IGFBP7: variants seen among roughly 807,000 people sequenced by gnomAD.
IGFBP7 encodes insulin like growth factor binding protein 7.
IGFBP7 carries 31 observed loss-of-function variants against 29.4 expected under a neutral mutation model. That is an observed-to-expected ratio of 1.05 (90% CI 0.79 to 1.42). The LOEUF is 1.42. Ranked by LOEUF, IGFBP7 falls within the 40% of genes most tolerant of loss-of-function variation. IGFBP7 has a pLI of 0.00. For synonymous variants in IGFBP7, 172 were observed against 174.9 expected, an observed-to-expected ratio of 0.98 and a Z score of 0.13; for missense variants, 393 against 395.5, an observed-to-expected ratio of 0.99 and a Z score of 0.05.
chr4:57,092,786 T>C (rs577818526), intron 1 of IGFBP7, among the ~76,000 whole-genome samples: 21 of 151,116 alleles, frequency 1.4e-4, no homozygotes, highest in African/African-American at 4.3e-4. Flanking sequence ...TAAAAGGTTA[T>C]TTATGACAGA....
At chr4:57,067,138 T>C (rs17183249) in intron 1 of IGFBP7, among the ~76,000 whole-genome samples, 20,365 of 152,198 alleles carry the variant, frequency 0.13, 1,432 homozygotes, top group East Asian at 0.16. Flanking sequence ...AGAAGATGTC[T>C]GCAATGATGA....
Position 57,110,081 on chromosome 4 carries a change from G to A in IGFBP7, c.271C>T (p.Arg91Cys). Reference protein sequence around the residue: ...CAPGMECVKSRKRRKGKAGAA... With the variant: ...CAPGMECVKSCKRRKGKAGAA... ...CCGGCTTTACCCTTCCGCCTCTTGC[G>A]GCTCTTCACGCACTCCATGCCCGGC... The change falls in exon 1 of 5, where the codon CGC (arginine) becomes TGC (cysteine). Residue 91 changes from arginine (R) to cysteine (C), a missense_variant. Coordinates refer to ENST00000295666, the MANE Select transcript of IGFBP7 (RefSeq NM_001553.3). 6.4e-7 allele frequency: 1 copy of A among 1,554,464 alleles called. No individual in the cohort carries two copies. The highest frequency in any genetic ancestry group is 1.2e-5 in the South Asian group (1 of 85,228).
chr4:57,080,217 C>CA (rs1161027464), intron 1 of IGFBP7, among the ~76,000 whole-genome samples: 1 of 151,988 alleles, frequency 6.6e-6, no homozygotes, highest in African/African-American at 2.4e-5. Context: ...ACTGGATTTT[C>CA]AAAATAACAT....
intron 1 of IGFBP7, among the ~76,000 whole-genome samples, chr4:57,056,552 C>T (rs11573083): frequency 0.079 from 12,047 of 152,238 alleles, 616 homozygotes; most frequent in African/African-American, 0.14. Flanking sequence ...AATAGCACTG[C>T]TCTGAAATCA....
intron 1 of IGFBP7, among the ~76,000 whole-genome samples, chr4:57,069,747 TGA>T (rs1220763081): frequency 6.6e-6 from 1 of 152,106 alleles, no homozygotes; most frequent in Non-Finnish European, 1.5e-5. Context: ...TTCTCATTAT[TGA>T]GATTTCTATC....
intron 1 of IGFBP7, among the ~76,000 whole-genome samples, chr4:57,061,602 C>G (rs1488650031): frequency 6.6e-6 from 1 of 152,160 alleles, no homozygotes; most frequent in South Asian, 2.1e-4. Flanking sequence ...ATTCACATCC[C>G]AGCCTGGACA....
intron 1 of IGFBP7, among the ~76,000 whole-genome samples, chr4:57,086,722 T>A (rs1399634603): frequency 6.6e-6 from 1 of 152,172 alleles, no homozygotes; most frequent in African/African-American, 2.4e-5. Flanking sequence ...CATACAAATT[T>A]TACCATCTTA....
intron 1 of IGFBP7, among the ~76,000 whole-genome samples, chr4:57,086,983 C>T (rs1481979410): frequency 2.0e-5 from 3 of 152,220 alleles, no homozygotes; most frequent in African/African-American, 7.2e-5. Flanking sequence ...ATCCACCTGT[C>T]TCGGCCTCCC....
At chr4:57,084,376 T>C (rs1725444379) in intron 1 of IGFBP7, among the ~76,000 whole-genome samples, 1 of 152,196 alleles carries the variant, frequency 6.6e-6, no homozygotes, top group Non-Finnish European at 1.5e-5. Context: ...GAAGTGCCTT[T>C]TCTAAAAATC....
In IGFBP7 at chr4:57,080,350, A is replaced by C. The variant is rs74415007; in HGVS notation, c.475+29527T>G. ...AAAGGAGGGAAATTGACACTGCTGCATTCTACTCACATTGCCCGAGTGCTC... is the reference window on the plus strand; with the variant it reads ...AAAGGAGGGAAATTGACACTGCTGCCTTCTACTCACATTGCCCGAGTGCTC... On this transcript the variant is annotated intron_variant, in intron 1 of 4. Transcript: ENST00000295666. Among the ~76,000 whole-genome samples the C allele has an allele frequency of 6.7e-4, 102 of 152,348 alleles. 1 individual carries two copies. The East Asian group carries it at 0.019, about 28-fold the overall frequency.
At chr4:57,079,310 A>G (rs532649742) in intron 1 of IGFBP7, among the ~76,000 whole-genome samples, 2 of 152,196 alleles carry the variant, frequency 1.3e-5, no homozygotes, top group South Asian at 4.1e-4. Flanking sequence ...ATCCCACTGT[A>G]CTTCATTAGT....
chr4:57,069,829 T>C (rs1246745425), intron 1 of IGFBP7, among the ~76,000 whole-genome samples: 5 of 152,158 alleles, frequency 3.3e-5, no homozygotes, highest in African/African-American at 1.2e-4. Context: ...CCTCCTGCAA[T>C]CCCAGCACTT....
chr4:57,044,976 C>T (rs1724322729), intron 1 of IGFBP7, among the ~76,000 whole-genome samples: 1 of 152,106 alleles, frequency 6.6e-6, no homozygotes, highest in Non-Finnish European at 1.5e-5. Context: ...TCCCAAAGTA[C>T]TGGGATTATG....
At chr4:57,071,624 G>T (rs796887688) in intron 1 of IGFBP7, among the ~76,000 whole-genome samples, 1 of 152,148 alleles carries the variant, frequency 6.6e-6, no homozygotes, top group Non-Finnish European at 1.5e-5. Context: ...CAGGCTCTCC[G>T]CCCAGAATAA....
intron 4 of IGFBP7, 176 bp downstream of exon 4, chr4:57,032,250 C>G (rs1051029654): frequency 4.3e-6 from 6 of 1,409,734 alleles, no homozygotes; most frequent in Non-Finnish European, 4.6e-6. Context: ...GTCACCCATC[C>G]AGATAATCTT....
rs1350331672 is a variant in IGFBP7 at position 57,040,926 on chromosome 4, G to A, written c.483C>T (p.Ser161=). 6.2e-7 allele frequency: 1 copy of A among 1,611,940 alleles called. No homozygotes were observed. Among genetic ancestry groups the A allele is most frequent in the Non-Finnish European group, 8.5e-7 (1 of 1,177,976 alleles). ...AGATGTCCTTGGGGGGCGTCACTATGGAAGGACCTGCAGGAGAGGGCACAA... is the reference window on the plus strand; with the variant it reads ...AGATGTCCTTGGGGGGCGTCACTATAGAAGGACCTGCAGGAGAGGGCACAA... ...VSKGTCEQGP[S]IVTPPKDIWN... Residue 161 remains serine (S), a synonymous_variant, in exon 2 of 5, where the codon TCC becomes TCT. Coordinates refer to ENST00000295666, the MANE Select transcript of IGFBP7 (RefSeq NM_001553.3).
rs544065785 is a variant in IGFBP7, at chr4:57,084,793, T to G, written c.475+25084A>C. Among the ~76,000 whole-genome samples, 447 of 146,600 alleles carry G rather than the reference T, an allele frequency of 3.0e-3. 4 individuals are homozygous for G. Among genetic ancestry groups the G allele is most frequent in the African/African-American group, 9.7e-3 (389 of 40,126 alleles). ...TACTCAGATGTTTAAAAAAGGTTTT[T>G]TTTTTTTTTTTTTTTGGGACAAGGT... On this transcript the variant is annotated intron_variant, in intron 1 of 4. Coordinates refer to ENST00000295666, the MANE Select transcript of IGFBP7 (RefSeq NM_001553.3).
intron 1 of IGFBP7, among the ~76,000 whole-genome samples, chr4:57,058,840 A>G (rs1724732763): frequency 6.6e-6 from 1 of 152,260 alleles, no homozygotes; most frequent in South Asian, 2.1e-4. Flanking sequence ...AATATTTGCA[A>G]ACTATGCATC....
At chr4:57,053,708 T>A (rs559500641) in intron 1 of IGFBP7, among the ~76,000 whole-genome samples, 4 of 152,278 alleles carry the variant, frequency 2.6e-5, no homozygotes, top group African/African-American at 7.2e-5. Context: ...GGCTAGGTTT[T>A]GAATTGGTTT....
Sources: allele counts gnomAD v4.1 joint callset (sites outside exome capture counted in the v4.1 genomes callset), GRCh38; gene constraint gnomAD v4.1.1; transcripts MANE v1.5; gene names NCBI Gene and HGNC (gene_info 2026-07-23, HGNC 2026-07-21).